Variants in SNTG1 observed in about 807,000 individuals in gnomAD.
The protein encoded by SNTG1 is gamma-1-syntrophin.
In SNTG1, 39 loss-of-function variants were observed where a neutral mutation model predicts 74.7. That is an observed-to-expected ratio of 0.52 (90% CI 0.40 to 0.68). The LOEUF is 0.68. Ranked by LOEUF, SNTG1 falls within the 30% of genes least tolerant of loss-of-function variation. The pLI, the probability that SNTG1 is intolerant of heterozygous loss-of-function variation, is 0.00. For missense variants in SNTG1, 685 were observed against 609.5 expected (o/e 1.12, Z -1.30); for synonymous variants, 254 against 217.1 (o/e 1.17, Z -1.49).
intron 1 of SNTG1, among the ~76,000 whole-genome samples, chr8:50,115,627 A>G (rs1238740922): frequency 6.8e-6 from 1 of 146,938 alleles, no homozygotes; most frequent in East Asian, 2.1e-4. Flanking sequence ...TTGCTATGAT[A>G]CTCTGCAGTT....
At chr8:50,435,255 A>T (rs187353993) in intron 4 of SNTG1, among the ~76,000 whole-genome samples, 1 of 152,094 alleles carries the variant, frequency 6.6e-6, no homozygotes. Context: ...TAAAGGCATT[A>T]TATATATATG....
Position 50,494,070 on chromosome 8 carries a change from A to T in SNTG1, c.364-8708A>T, listed in dbSNP as rs541473534. Among the ~76,000 whole-genome samples, 8 of 151,670 alleles carry T rather than the reference A, an allele frequency of 5.3e-5. No individual in the cohort carries two copies. The East Asian group carries it at 1.6e-3, about 29-fold the overall frequency. ...GAATTGCTGCTCAATTTGACCAAAC[A>T]TCCTTTCAGAATCTTTAATTGAAGG... is the stretch of plus-strand genomic sequence containing the variant. On this transcript the variant is annotated intron_variant, in intron 8 of 18. Transcript: ENST00000642720.
intron 1 of SNTG1, among the ~76,000 whole-genome samples, chr8:49,928,427 T>A (rs1014569283): frequency 6.6e-6 from 1 of 151,910 alleles, no homozygotes; most frequent in Non-Finnish European, 1.5e-5. Context: ...GACAGGGTTT[T>A]GCCATATTGG....
chr8:50,140,165 G>A (rs1007885552), intron 1 of SNTG1, among the ~76,000 whole-genome samples: 5 of 152,196 alleles, frequency 3.3e-5, no homozygotes, highest in African/African-American at 4.8e-5. Context: ...TTTGTTCTGT[G>A]TGATGCTGGA....
chr8:50,624,347 A>G (rs908837879), intron 13 of SNTG1, among the ~76,000 whole-genome samples: 2 of 152,034 alleles, frequency 1.3e-5, no homozygotes, highest in African/African-American at 2.4e-5. Context: ...TTTTTTTTCA[A>G]CAATAGCAAG....
chr8:50,264,881 A>G (rs1237382203), intron 2 of SNTG1, among the ~76,000 whole-genome samples: 1 of 152,086 alleles, frequency 6.6e-6, no homozygotes, highest in Non-Finnish European at 1.5e-5. Flanking sequence ...TAGATAATTT[A>G]GATAAAGTGG....
At chr8:50,428,817 C>T (rs977638295) in intron 4 of SNTG1, among the ~76,000 whole-genome samples, 1 of 152,014 alleles carries the variant, frequency 6.6e-6, no homozygotes, top group African/African-American at 2.4e-5. Context: ...GTAAAATTAT[C>T]TAGGGAGGTA....
intron 17 of SNTG1, among the ~76,000 whole-genome samples, chr8:50,746,876 A>ATT (rs916654490): frequency 1.4e-5 from 2 of 147,854 alleles, no homozygotes; most frequent in Non-Finnish European, 1.5e-5. Context: ...TATAATATAT[A>ATT]TTATATATAT....
chr8:50,790,872 G>T (rs1417987071), intron 18 of SNTG1, among the ~76,000 whole-genome samples: 1 of 151,520 alleles, frequency 6.6e-6, no homozygotes. Flanking sequence ...TTTATTTTTG[G>T]TAACCAAAAT....
At chr8:50,618,029 C>T (rs144959064) in intron 13 of SNTG1, among the ~76,000 whole-genome samples, 12 of 152,230 alleles carry the variant, frequency 7.9e-5, no homozygotes, top group East Asian at 3.9e-4. Flanking sequence ...TGGCAGACAG[C>T]AACTTCTCAA....
At chr8:50,725,363 A>G (rs2131603169) in intron 17 of SNTG1, among the ~76,000 whole-genome samples, 1 of 152,268 alleles carries the variant, frequency 6.6e-6, no homozygotes, top group Admixed American at 6.5e-5. Context: ...TCAATTTTTC[A>G]TTTAATGCTC....
intron 1 of SNTG1, among the ~76,000 whole-genome samples, chr8:50,028,572 C>T (rs1471411860): frequency 6.8e-6 from 1 of 148,080 alleles, no homozygotes; most frequent in Non-Finnish European, 1.5e-5. Context: ...TACTCCTCTA[C>T]CAACAACGTT....
intron 5 of SNTG1, among the ~76,000 whole-genome samples, chr8:50,446,577 G>T (rs920428486): frequency 6.6e-5 from 10 of 151,992 alleles, no homozygotes; most frequent in Non-Finnish European, 1.0e-4. Flanking sequence ...TACTTAGGAG[G>T]CTGAGACAGG....
rs28566866 is a variant in SNTG1, at chr8:50,064,317, T to A, written c.-102-108244T>A. ...CAGGACCATGAATTTGACATTGATG[T>A]ATCTTTCTATACTTCACTCCTCCTT... On this transcript the variant is annotated intron_variant, in intron 1 of 18. Coordinates refer to ENST00000642720, the MANE Select transcript of SNTG1 (RefSeq NM_018967.5). Among the ~76,000 whole-genome samples the A allele has an allele frequency of 9.5e-3, 1,445 of 152,324 alleles. 28 individuals are homozygous for A. Among genetic ancestry groups the A allele is most frequent in the African/African-American group, 0.032 (1,312 of 41,566 alleles).
intron 1 of SNTG1, among the ~76,000 whole-genome samples, chr8:49,988,878 G>GA (rs1301267477): frequency 1.3e-5 from 2 of 151,134 alleles, no homozygotes; most frequent in African/African-American, 2.4e-5. Context: ...AAAATAAACA[G>GA]AAAAAAGGAA....
intron 9 of SNTG1, among the ~76,000 whole-genome samples, chr8:50,527,996 A>G (rs1432887653): frequency 6.6e-6 from 1 of 151,980 alleles, no homozygotes; most frequent in East Asian, 1.9e-4. Context: ...ATTTAATTTT[A>G]TATATTAACA....
At chr8:50,659,104 A>G (rs1160312236) in intron 15 of SNTG1, among the ~76,000 whole-genome samples, 4 of 152,158 alleles carry the variant, frequency 2.6e-5, no homozygotes, top group Non-Finnish European at 5.9e-5. Flanking sequence ...ATGCAAAGAA[A>G]AGTTTTGCTG....
intron 1 of SNTG1, among the ~76,000 whole-genome samples, chr8:50,086,899 G>T (rs1167553707): frequency 1.3e-5 from 2 of 152,190 alleles, no homozygotes; most frequent in African/African-American, 2.4e-5. Context: ...CTGCAGCAGT[G>T]AAATAAAGGT....
At chr8:50,359,951 C>T (rs555876574) in intron 2 of SNTG1, among the ~76,000 whole-genome samples, 2 of 151,952 alleles carry the variant, frequency 1.3e-5, no homozygotes, top group African/African-American at 4.8e-5. Flanking sequence ...CATTAGTGCA[C>T]AACTAACTTA....
Sources: gnomAD v4.1 joint callset for allele counts (sites outside exome capture counted in the v4.1 genomes callset) on GRCh38, gnomAD v4.1.1 for gene constraint, MANE v1.5 for transcripts, NCBI Gene and HGNC (gene_info 2026-07-23, HGNC 2026-07-21) for gene names.